Variants in PDGFD observed in about 807,000 individuals in gnomAD.
PDGFD encodes the protein platelet-derived growth factor D.
Under a neutral mutation model 44.7 loss-of-function variants are expected in PDGFD, and 30 were observed. The ratio of observed to expected loss-of-function variants is 0.67; its 90% CI spans 0.50 to 0.91. The LOEUF is 0.91. PDGFD is among the 40% of genes least tolerant of loss of function. The pLI, the probability that PDGFD is intolerant of heterozygous loss-of-function variation, is 0.00. For synonymous variants in PDGFD, 173 were observed against 168.4 expected (o/e 1.03, Z -0.21); for missense variants, 445 against 457.8 (o/e 0.97, Z 0.25).
At chr11:103,914,123 C>A (rs1415670066) in intron 6 of PDGFD, among the ~76,000 whole-genome samples, 1 of 152,116 alleles carries the variant, frequency 6.6e-6, no homozygotes, top group East Asian at 1.9e-4. Context: ...AAGAAGAGGT[C>A]AGCTGTTAGG....
chr11:104,074,944 A>G (rs1170766428), intron 1 of PDGFD, among the ~76,000 whole-genome samples: 1 of 152,220 alleles, frequency 6.6e-6, no homozygotes, highest in Non-Finnish European at 1.5e-5. Flanking sequence ...TAAATAACTA[A>G]ATAATTTAAA....
chr11:103,914,111 GGAA>G, intron 6 of PDGFD, among the ~76,000 whole-genome samples: 1 of 152,274 alleles, frequency 6.6e-6, no homozygotes, highest in East Asian at 1.9e-4. Context: ...AGGGTGAGTT[GGAA>G]GAAGAGGTCA....
chr11:103,931,555 T>C lies in PDGFD; in HGVS notation c.773-4429A>G, dbSNP rs1858399254. ...GAGAATCCAATTAAACTGCTGCATG[T>C]CCTTGAAGACAGTCAGTAATCTTTT... On this transcript the variant is annotated intron_variant, in intron 5 of 6. Transcript: ENST00000393158. Among the ~76,000 whole-genome samples, 2 of 152,196 alleles carry C rather than the reference T, an allele frequency of 1.3e-5. 1 individual carries two copies. The highest frequency in any genetic ancestry group is 1.3e-4 in the Admixed American group (2 of 15,266).
At chr11:104,118,746 TTATATAG>T (rs977997940) in intron 1 of PDGFD, among the ~76,000 whole-genome samples, 12 of 96,374 alleles carry the variant, frequency 1.2e-4, no homozygotes, top group Admixed American at 2.8e-4. Context: ...ATATATATTA[TTATATAG>T]TATATATTAT....
intron 1 of PDGFD, among the ~76,000 whole-genome samples, chr11:104,017,347 CGT>C (rs1859873805): frequency 6.7e-6 from 1 of 149,432 alleles, no homozygotes; most frequent in African/African-American, 2.5e-5. Context: ...GGTGTTTTTC[CGT>C]TTTTTTTGTT....
At position 104,037,807 on chromosome 11, in the gene PDGFD, C is replaced by T. The variant is rs201356382; in HGVS notation, c.125-37552G>A. On this transcript the variant is annotated intron_variant, in intron 1 of 6. Coordinates refer to ENST00000393158, the MANE Select transcript of PDGFD (RefSeq NM_025208.5). ...ACTTGAGGATCAACCCATGGATATG[C>T]TTCTAGGCCTAGATATGCTCCGGAG... 7 of 1,614,186 alleles carry T rather than the reference C, an allele frequency of 4.3e-6. No homozygotes were observed. In the East Asian group the frequency reaches 1.6e-4, roughly 36 times the overall value.
At chr11:103,949,235 T>C (rs1022002293) in intron 3 of PDGFD, among the ~76,000 whole-genome samples, 3 of 152,014 alleles carry the variant, frequency 2.0e-5, no homozygotes, top group Non-Finnish European at 4.4e-5. Flanking sequence ...ACTATTGACC[T>C]CAGGTGATCT....
intron 3 of PDGFD, among the ~76,000 whole-genome samples, chr11:103,991,342 A>G (rs971809405): frequency 1.3e-5 from 2 of 151,800 alleles, no homozygotes; most frequent in African/African-American, 4.8e-5. Flanking sequence ...TCCCTTCTCC[A>G]TCTTCTTCCT....
intron 1 of PDGFD, among the ~76,000 whole-genome samples, chr11:104,065,354 T>C (rs1860774301): frequency 6.6e-6 from 1 of 152,226 alleles, no homozygotes; most frequent in Non-Finnish European, 1.5e-5. Context: ...TATACATTTC[T>C]TTAAGTCATT....
intron 1 of PDGFD, among the ~76,000 whole-genome samples, chr11:104,054,711 G>A (rs1296499480): frequency 6.6e-6 from 1 of 152,170 alleles, no homozygotes; most frequent in African/African-American, 2.4e-5. Flanking sequence ...AGAGCTGAAG[G>A]GGAATAGAAG....
chr11:104,030,899 C>T (rs905031743), intron 1 of PDGFD, among the ~76,000 whole-genome samples: 3 of 152,176 alleles, frequency 2.0e-5, no homozygotes, highest in Admixed American at 2.0e-4. Flanking sequence ...AAACAAATAA[C>T]CTCTACCTCC....
intron 1 of PDGFD, among the ~76,000 whole-genome samples, chr11:104,034,677 C>G (rs933375799): frequency 2.0e-5 from 3 of 150,238 alleles, no homozygotes; most frequent in South Asian, 2.1e-4. Flanking sequence ...GAGTCTCGCT[C>G]TGTCACCCAG....
At chr11:103,978,434 A>G (rs1196771461) in intron 3 of PDGFD, among the ~76,000 whole-genome samples, 3 of 152,102 alleles carry the variant, frequency 2.0e-5, no homozygotes, top group Non-Finnish European at 4.4e-5. Context: ...GAAGGGTAGT[A>G]TGGAATTATG....
chr11:104,019,605 T>C (rs1171931799), intron 1 of PDGFD, among the ~76,000 whole-genome samples: 2 of 152,038 alleles, frequency 1.3e-5, no homozygotes, highest in Non-Finnish European at 2.9e-5. Context: ...AGCTGGAAAA[T>C]CAAACATTTA....
chr11:104,089,987 C>T (rs1861187898), intron 1 of PDGFD, among the ~76,000 whole-genome samples: 1 of 152,132 alleles, frequency 6.6e-6, no homozygotes, highest in Non-Finnish European at 1.5e-5. Flanking sequence ...CAACTCTCTC[C>T]TACCCCTATC....
chr11:103,922,803 C>G (rs1410501657), intron 6 of PDGFD, among the ~76,000 whole-genome samples: 10 of 151,656 alleles, frequency 6.6e-5, no homozygotes, highest in African/African-American at 2.4e-4. Flanking sequence ...TGATCTTGAA[C>G]TCATAGCCTC....
intron 3 of PDGFD, among the ~76,000 whole-genome samples, chr11:103,975,336 T>C (rs1041739032): frequency 2.0e-5 from 3 of 152,178 alleles, no homozygotes; most frequent in South Asian, 4.1e-4. Context: ...TTGATGGGGT[T>C]GTTTGTTTTT....
intron 1 of PDGFD, among the ~76,000 whole-genome samples, chr11:104,016,929 C>T (rs1214454108): frequency 6.6e-6 from 1 of 152,130 alleles, no homozygotes; most frequent in East Asian, 1.9e-4. Context: ...ACTTTTTCAG[C>T]CATGAAATAT....
intron 1 of PDGFD, chr11:104,039,237 T>C (rs1178567402): frequency 1.2e-5 from 2 of 166,154 alleles, no homozygotes; most frequent in East Asian, 3.8e-4. Context: ...TTAGACAAAT[T>C]AGTTCACCTA....
Sources: gnomAD v4.1 joint callset for allele counts (sites outside exome capture counted in the v4.1 genomes callset) on GRCh38, gnomAD v4.1.1 for gene constraint, MANE v1.5 for transcripts, NCBI Gene and HGNC (gene_info 2026-07-23, HGNC 2026-07-21) for gene names.